TNFAIP8: variants seen among roughly 807,000 people sequenced by gnomAD.
TNFAIP8 encodes TNF alpha induced protein 8.
TNFAIP8 carries 7 observed loss-of-function variants against 13.3 expected under a neutral mutation model. The observed-to-expected ratio is 0.52, with a 90% CI of 0.30 to 0.99. The LOEUF is 0.99. Among genes scored for constraint, TNFAIP8 ranks in the 50% least tolerant of loss-of-function variants. The probability of loss-of-function intolerance (pLI) is 0.07; values close to 1 mark genes in which losing one functional copy is unlikely to be tolerated. For synonymous variants in TNFAIP8, 94 were observed against 87.6 expected (o/e 1.07, Z -0.41); for missense variants, 258 against 236.9 (o/e 1.09, Z -0.58).
At chr5:119,268,765 C>G in exon 1 of TNFAIP8, 1 of 668,232 alleles carries the variant, frequency 1.5e-6, no homozygotes, top group Non-Finnish European at 2.7e-6. Context: ...TGGCCTCTGC[C>G]TCCTTTTCTC....
chr5:119,333,812 G>A (rs1750459870), intron 1 of TNFAIP8, among the ~76,000 whole-genome samples: 2 of 152,142 alleles, frequency 1.3e-5, no homozygotes, highest in Admixed American at 1.3e-4. Context: ...CTCTGGGTGT[G>A]GGGAACCAGT....
chr5:119,299,558 G>T (rs554440408), intron 1 of TNFAIP8, among the ~76,000 whole-genome samples: 1 of 152,182 alleles, frequency 6.6e-6, no homozygotes, highest in African/African-American at 2.4e-5. Context: ...GGGGTCAGGG[G>T]TCAGGGACCC....
At chr5:119,343,278 T>C (rs1750801707) in intron 1 of TNFAIP8, among the ~76,000 whole-genome samples, 2 of 152,242 alleles carry the variant, frequency 1.3e-5, no homozygotes, top group South Asian at 4.1e-4. Flanking sequence ...AGTGCGTCCA[T>C]TCTGTGCATG....
At chr5:119,348,536 T>A (rs540108339) in intron 1 of TNFAIP8, among the ~76,000 whole-genome samples, 6 of 152,268 alleles carry the variant, frequency 3.9e-5, no homozygotes, top group African/African-American at 9.6e-5. Context: ...TGGATGAATG[T>A]CTGTTGCCGG....
intron 1 of TNFAIP8, among the ~76,000 whole-genome samples, chr5:119,274,567 A>G (rs1365210360): frequency 6.6e-6 from 1 of 152,196 alleles, no homozygotes; most frequent in Non-Finnish European, 1.5e-5. Flanking sequence ...GTTTGCACAC[A>G]CGTAGCCACT....
intron 1 of TNFAIP8, among the ~76,000 whole-genome samples, chr5:119,360,223 G>A (rs1375791480): frequency 6.6e-6 from 1 of 152,172 alleles, no homozygotes; most frequent in Non-Finnish European, 1.5e-5. Flanking sequence ...CCAAAAAGTG[G>A]GTGGGTGAAA....
At chr5:119,288,911 T>G (rs1748898807) in intron 1 of TNFAIP8, among the ~76,000 whole-genome samples, 1 of 152,262 alleles carries the variant, frequency 6.6e-6, no homozygotes, top group African/African-American at 2.4e-5. Flanking sequence ...GGAATGAATC[T>G]TGCTTTGGCC....
intron 1 of TNFAIP8, among the ~76,000 whole-genome samples, chr5:119,338,158 G>A (rs1464425732): frequency 3.5e-5 from 4 of 113,892 alleles, no homozygotes; most frequent in Non-Finnish European, 5.6e-5. Context: ...TTGGAATCTG[G>A]AACTTTGACA....
rs1562006780 is a variant in TNFAIP8 at position 119,338,199 on chromosome 5, CA to C, written c.2-54616del. 1.7e-3 allele frequency among the ~76,000 whole-genome samples: 245 copies of C among 145,680 alleles called. 2 individuals carry two copies. Among genetic ancestry groups the C allele is most frequent in the African/African-American group, 5.8e-3 (229 of 39,404 alleles). On this transcript the variant is annotated intron_variant, in intron 1 of 1. Transcript: ENST00000274456. ...ACACACACACACACACACACACACA[CA>C]CACACACACACCTTCTCAGCACCTA...
At chr5:119,302,064 C>G (rs1169590183) in intron 1 of TNFAIP8, among the ~76,000 whole-genome samples, 1 of 152,204 alleles carries the variant, frequency 6.6e-6, no homozygotes, top group Admixed American at 6.5e-5. Flanking sequence ...TTTCAGTCCC[C>G]ATCTCTTAGC....
At chr5:119,324,353 G>T (rs1055993893) in intron 1 of TNFAIP8, among the ~76,000 whole-genome samples, 4 of 149,798 alleles carry the variant, frequency 2.7e-5, no homozygotes, top group South Asian at 2.1e-4. Flanking sequence ...CTTCCCCCTC[G>T]GGGCTGGGAG....
chr5:119,397,710 A>T lies in TNFAIP8; in HGVS notation c.*4329A>T, dbSNP rs1283833104. ...AAAATGAGTCAGCTTTTTGTTTCCA[A>T]AATGATGCAACAGGAAAACCTTTAA... is the stretch of plus-strand genomic sequence containing the variant. On this transcript the variant is annotated 3_prime_UTR_variant, in exon 2 of 2. Coordinates refer to ENST00000504771, the MANE Select transcript of TNFAIP8 (RefSeq NM_014350.4). The T allele has an allele frequency of 6.6e-6, 1 of 152,238 alleles. No homozygotes were observed. Among genetic ancestry groups the T allele is most frequent in the Non-Finnish European group, 1.5e-5 (1 of 68,040 alleles). The allele number at this position is 152,238 out of a possible 1,614,324, so 9.4% of individuals were successfully genotyped here.
chr5:119,291,320 C>T (rs6876100), intron 1 of TNFAIP8, among the ~76,000 whole-genome samples: 90,828 of 152,040 alleles, frequency 0.6, 27,833 homozygotes, highest in East Asian at 0.93. Context: ...TAATAGCAGC[C>T]AATTGCTACA....
At chr5:119,321,883 TC>T (rs1048868940) in intron 1 of TNFAIP8, among the ~76,000 whole-genome samples, 2 of 152,130 alleles carry the variant, frequency 1.3e-5, no homozygotes, top group Middle Eastern at 3.2e-3. Context: ...AGCTACAGGC[TC>T]CCCTTCATGT....
At chr5:119,273,615 C>T (rs549453391) in intron 1 of TNFAIP8, among the ~76,000 whole-genome samples, 1 of 152,168 alleles carries the variant, frequency 6.6e-6, no homozygotes, top group African/African-American at 2.4e-5. Context: ...TTCAAAAGAC[C>T]TATTACAGTT....
At chr5:119,367,748 G>T (rs1751914393) in intron 1 of TNFAIP8, among the ~76,000 whole-genome samples, 1 of 152,152 alleles carries the variant, frequency 6.6e-6, no homozygotes, top group Non-Finnish European at 1.5e-5. Context: ...TAAAAATAAA[G>T]CGGGGATTTC....
chr5:119,357,456 G>C (rs1751474141), intron 1 of TNFAIP8, among the ~76,000 whole-genome samples: 1 of 152,186 alleles, frequency 6.6e-6, no homozygotes, highest in African/African-American at 2.4e-5. Flanking sequence ...GAACTCAAGG[G>C]TGAACTTCTG....
intron 1 of TNFAIP8, among the ~76,000 whole-genome samples, chr5:119,315,681 G>A (rs1023760204): frequency 3.1e-4 from 47 of 152,270 alleles, no homozygotes; most frequent in African/African-American, 1.0e-3. Flanking sequence ...ATGGACAGGA[G>A]GGAAGCATGT....
upstream of TNFAIP8, chr5:119,355,601 C>A: frequency 1.8e-6 from 1 of 563,122 alleles, no homozygotes; most frequent in Non-Finnish European, 3.1e-6. Flanking sequence ...AAATGTAATC[C>A]AAAAATACAG....
Sources: gnomAD v4.1 joint callset for allele counts (sites outside exome capture counted in the v4.1 genomes callset) on GRCh38, gnomAD v4.1.1 for gene constraint, MANE v1.5 for transcripts, NCBI Gene and HGNC (gene_info 2026-07-23, HGNC 2026-07-21) for gene names.